CNOT4: variants seen among roughly 807,000 people sequenced by gnomAD.
CNOT4 encodes the protein CCR4-NOT transcription complex subunit 4.
A neutral mutation model predicts 73.8 loss-of-function variants in CNOT4; 8 were observed. The observed-to-expected ratio is 0.11, with a 90% confidence interval of 0.06 to 0.20. CNOT4 has a LOEUF of 0.20. Ranked by LOEUF, CNOT4 falls within the 10% of genes least tolerant of loss-of-function variation. The pLI, the probability that CNOT4 is intolerant of heterozygous loss-of-function variation, is 1.00. For missense variants in CNOT4, 564 were observed against 883.4 expected (o/e 0.64, Z 4.58); for synonymous variants, 293 against 321.1 (o/e 0.91, Z 0.94).
intron 1 of CNOT4, among the ~76,000 whole-genome samples, chr7:135,500,402 T>C (rs1803881304): frequency 6.6e-6 from 1 of 152,180 alleles, no homozygotes; most frequent in Non-Finnish European, 1.5e-5. Flanking sequence ...CAAAGTATGC[T>C]ATCCAGAAAT....
chr7:135,367,689 G>A (rs1473027349), intron 10 of CNOT4, among the ~76,000 whole-genome samples: 1 of 152,100 alleles, frequency 6.6e-6, no homozygotes, highest in Non-Finnish European at 1.5e-5. Context: ...AGGAACTTAG[G>A]AATAACACTC....
intron 10 of CNOT4, among the ~76,000 whole-genome samples, chr7:135,389,706 A>T (rs1210652426): frequency 2.0e-5 from 3 of 152,180 alleles, no homozygotes; most frequent in Admixed American, 1.3e-4. Context: ...ATCCAATCCT[A>T]AACAGTTTCA....
intron 10 of CNOT4, among the ~76,000 whole-genome samples, chr7:135,389,157 C>CAAAAA (rs11292254): frequency 4.3e-4 from 36 of 83,658 alleles, no homozygotes; most frequent in African/African-American, 5.8e-4. Flanking sequence ...AACATACTAC[C>CAAAAA]AAAAAAAAAA....
At chr7:135,445,044 C>G (rs1216648672) in intron 1 of CNOT4, 2 of 803,722 alleles carry the variant, frequency 2.5e-6, no homozygotes, top group Non-Finnish European at 4.3e-6. Context: ...TGGTGGACAG[C>G]CTTCTTCTCT....
At chr7:135,467,153 A>AG (rs1801272321) in intron 1 of CNOT4, among the ~76,000 whole-genome samples, 1 of 152,238 alleles carries the variant, frequency 6.6e-6, no homozygotes, top group African/African-American at 2.4e-5. Flanking sequence ...ACATAATACT[A>AG]GGCATTTATG....
At chr7:135,386,523 C>A (rs1480903891) in intron 10 of CNOT4, 2 of 152,160 alleles carry the variant, frequency 1.3e-5, no homozygotes, top group African/African-American at 4.8e-5. Flanking sequence ...TGTATAATTT[C>A]TTCTGTCCTT....
intron 1 of CNOT4, among the ~76,000 whole-genome samples, chr7:135,465,793 A>C (rs931684710): frequency 6.6e-6 from 1 of 152,120 alleles, no homozygotes; most frequent in Non-Finnish European, 1.5e-5. Flanking sequence ...CATGCCTGTA[A>C]TCCCAGCACT....
chr7:135,393,707 C>T (rs1167976941), intron 10 of CNOT4, among the ~76,000 whole-genome samples: 2 of 152,090 alleles, frequency 1.3e-5, no homozygotes, highest in Non-Finnish European at 1.5e-5. Context: ...CAAACAATAA[C>T]TAAGTATAAT....
Position 135,467,820 on chromosome 7 carries a change from AG to A in CNOT4, c.-92-29398del, listed in dbSNP as rs568706905. 9.8e-4 allele frequency among the ~76,000 whole-genome samples: 150 copies of A among 152,342 alleles called. 1 individual carries two copies. The highest frequency in any genetic ancestry group is 1.7e-3 in the Non-Finnish European group (117 of 68,024). ...TAAAGGAAAGAACAGAGAGAAAACA[AG>A]GAAGTTGGTGCTTTAATTAAGCACA... is the stretch of plus-strand genomic sequence containing the variant. On this transcript the variant is annotated intron_variant, in intron 1 of 11. Coordinates refer to ENST00000541284, the MANE Select transcript of CNOT4 (RefSeq NM_001190850.2).
intron 10 of CNOT4, among the ~76,000 whole-genome samples, chr7:135,380,469 A>T (rs1185913239): frequency 6.6e-6 from 1 of 152,222 alleles, no homozygotes; most frequent in Non-Finnish European, 1.5e-5. Flanking sequence ...TTCCCCTGCT[A>T]AAGTTACTCC....
At chr7:135,471,484 A>C (rs1801571764) in intron 1 of CNOT4, among the ~76,000 whole-genome samples, 2 of 152,234 alleles carry the variant, frequency 1.3e-5, no homozygotes, top group African/African-American at 4.8e-5. Context: ...AATGGTAATA[A>C]GTATGCATAA....
intron 1 of CNOT4, among the ~76,000 whole-genome samples, chr7:135,479,198 A>ATTTTTTTTTTTTTTTTTT (rs61487024): frequency 1.1e-5 from 1 of 89,816 alleles, no homozygotes; most frequent in African/African-American, 4.7e-5. Flanking sequence ...TTAGAACCAA[A>ATTTTTTTTTTTTTTTTTT]TTTTTTTTTT....
intron 1 of CNOT4, among the ~76,000 whole-genome samples, chr7:135,483,337 CA>C (rs113026088): frequency 3.3e-4 from 46 of 139,820 alleles, no homozygotes; most frequent in Middle Eastern, 3.6e-3. Flanking sequence ...GACTTTGTCT[CA>C]AAAAAAAAAA....
intron 1 of CNOT4, among the ~76,000 whole-genome samples, chr7:135,461,853 A>G (rs1022539103): frequency 6.6e-6 from 1 of 152,190 alleles, no homozygotes; most frequent in Non-Finnish European, 1.5e-5. Flanking sequence ...ATAAAATAGA[A>G]AAAGGAAATA....
Position 135,454,662 on chromosome 7 carries a change from GTAAA to G in CNOT4, c.-92-16243_-92-16240del, listed in dbSNP as rs568803094. 4.5e-3 allele frequency among the ~76,000 whole-genome samples: 676 copies of G among 151,620 alleles called. 10 individuals are homozygous for G. The highest frequency in any genetic ancestry group is 0.016 in the African/African-American group (650 of 41,338). ...GTCTCAAAAAAATAAAATAAAAAAA[GTAAA>G]TAAGTAAAAACAAAAAGGAGCTTGA... is the stretch of plus-strand genomic sequence containing the variant. On this transcript the variant is annotated intron_variant, in intron 1 of 11. Coordinates refer to ENST00000541284, the MANE Select transcript of CNOT4 (RefSeq NM_001190850.2).
At chr7:135,397,576 T>C (rs1053913002) in intron 8 of CNOT4, among the ~76,000 whole-genome samples, 2 of 149,640 alleles carry the variant, frequency 1.3e-5, no homozygotes, top group African/African-American at 4.9e-5. Context: ...TGTAAGAAGA[T>C]GTATAGAAAC....
chr7:135,460,230 T>C (rs1446093563), intron 1 of CNOT4, among the ~76,000 whole-genome samples: 2 of 152,238 alleles, frequency 1.3e-5, no homozygotes, highest in Admixed American at 6.5e-5. Context: ...ATTCATGTGT[T>C]CACTGGAGTA....
At chr7:135,488,040 G>A (rs569344465) in intron 1 of CNOT4, among the ~76,000 whole-genome samples, 78 of 151,094 alleles carry the variant, frequency 5.2e-4, no homozygotes, top group Admixed American at 1.3e-3. Flanking sequence ...CAGCCTGGGC[G>A]ACAGAGTGAG....
intron 1 of CNOT4, among the ~76,000 whole-genome samples, chr7:135,463,924 G>GA (rs1225921806): frequency 1.5e-5 from 2 of 135,224 alleles, no homozygotes; most frequent in East Asian, 4.8e-4. Flanking sequence ...AGAAGCATAT[G>GA]AAAAAAAACC....
Sources: allele counts gnomAD v4.1 joint callset (sites outside exome capture counted in the v4.1 genomes callset), GRCh38; gene constraint gnomAD v4.1.1; transcripts MANE v1.5; gene names NCBI Gene and HGNC (gene_info 2026-07-23, HGNC 2026-07-21).